The following CDHR4 variants were observed in gnomAD, a reference collection of about 807,000 sequenced individuals.
CDHR4 encodes cadherin-related family member 4.
CDHR4 carries 89 observed loss-of-function variants against 88.4 expected under a neutral mutation model. The observed-to-expected ratio is 1.01, with a 90% CI of 0.85 to 1.20. The LOEUF is 1.20. CDHR4 is among the 50% of genes most tolerant of loss of function. The probability of loss-of-function intolerance (pLI) is 0.00; values close to 1 mark genes in which losing one functional copy is unlikely to be tolerated. For synonymous variants in CDHR4, 368 were observed against 399.2 expected (o/e 0.92, Z 0.93); for missense variants, 914 against 1,007.2 (o/e 0.91, Z 1.25).
intron 3 of CDHR4, 26 bp downstream of exon 3, chr3:49,798,968 A>C (rs765196363): frequency 1.2e-6 from 2 of 1,609,758 alleles, no homozygotes; most frequent in African/African-American, 2.7e-5. Flanking sequence ...GCCTGCCCCC[A>C]CCCTGCCGGC....
At position 49,790,829 on chromosome 3, in the gene CDHR4, G is replaced by T; in HGVS notation, c.*3C>A. ...CCACACATAGTAAGACAGCTACTTG[G>T]CCTCAGAGCCAGCGCCGGGCTCCTG... On this transcript the variant is annotated 3_prime_UTR_variant, in exon 19 of 19. Coordinates refer to ENST00000412678, the MANE Select transcript of CDHR4 (RefSeq NM_001007540.4). 6.4e-7 allele frequency: 1 copy of T among 1,550,970 alleles called. No individual in the cohort carries two copies.
chr3:49,798,744 G>T, intron 4 of CDHR4, 82 bp downstream of exon 4: 2 of 1,353,396 alleles, frequency 1.5e-6, no homozygotes, highest in African/African-American at 1.4e-5. Flanking sequence ...TTCAGGCTGT[G>T]CCTGGCCAGG....
chr3:49,797,397 A>G (rs548710217), intron 4 of CDHR4, among the ~76,000 whole-genome samples: 1 of 146,770 alleles, frequency 6.8e-6, no homozygotes, highest in South Asian at 2.2e-4. Flanking sequence ...TCCGGCCTCA[A>G]CCTCCTGAAT....
chr3:49,792,429 G>A (rs1423234701), intron 15 of CDHR4, 39 bp downstream of exon 15: 2 of 1,549,536 alleles, frequency 1.3e-6, no homozygotes, highest in Non-Finnish European at 1.7e-6. Flanking sequence ...CCATAGGTGG[G>A]TTGGGGGCAA....
chr3:49,799,508 T>A, intron 1 of CDHR4, 71 bp from the exon 2 acceptor site: 4 of 1,462,986 alleles, frequency 2.7e-6, no homozygotes, highest in Non-Finnish European at 3.7e-6. Context: ...CATAGTCCTG[T>A]CCTTTTGCCA....
intron 15 of CDHR4, 117 bp downstream of exon 15, chr3:49,792,351 A>C (rs569988611): frequency 7.0e-6 from 9 of 1,279,228 alleles, no homozygotes; most frequent in Middle Eastern, 2.3e-4. Flanking sequence ...CCTCAATATC[A>C]GTTCGTCACC....
intron 10 of CDHR4, 90 bp from the exon 11 acceptor site, chr3:49,794,096 G>C: frequency 7.6e-7 from 1 of 1,307,546 alleles, no homozygotes; most frequent in Non-Finnish European, 1.1e-6. Context: ...CTGCCCTGGG[G>C]GTCTAAAGAG....
chr3:49,792,920 G>T lies in CDHR4; in HGVS notation c.1929C>A (p.Ala643=), dbSNP rs2081202894. The change falls in exon 14 of 19, where the codon GCC becomes GCA. Residue 643 remains alanine, a synonymous_variant. Coordinates refer to ENST00000412678, the MANE Select transcript of CDHR4 (RefSeq NM_001007540.4). ...GPSTPHLSTT[A]TIIVHLVPRR... is the part of the protein sequence containing the mutation. ...GGGGAACTAGATGCACAATAATGGT[G>T]GCTGTGGTGCTGAGGTGGGGGGTGG... 1 of 1,551,476 alleles carries T rather than the reference G, an allele frequency of 6.4e-7. No individual in the cohort carries two copies.
chr3:49,795,615 C>CA lies in CDHR4; in HGVS notation c.847+12dup, dbSNP rs1453564478. On this transcript the variant is annotated intron_variant, in intron 7 of 18. Coordinates refer to ENST00000412678, the MANE Select transcript of CDHR4 (RefSeq NM_001007540.4). The surrounding 1 kb of genome is among the most constrained non-coding windows in gnomAD (Gnocchi z 5.4). ...CATCCCAGTACCTGCCCCCACCCCC[C>CA]AACACCTCTCACCACGACCAATGGA... The CA allele has an allele frequency of 6.4e-6, 10 of 1,551,468 alleles. No individual in the cohort carries two copies. The highest frequency in any genetic ancestry group is 7.8e-6 in the Non-Finnish European group (9 of 1,146,950).
At chr3:49,798,765 T>G in intron 4 of CDHR4, 61 bp downstream of exon 4, 1 of 1,525,136 alleles carries the variant, frequency 6.6e-7, no homozygotes, top group South Asian at 1.2e-5. Flanking sequence ...TGGGGGTTAA[T>G]TTATTCTCTC....
In CDHR4 at chr3:49,792,792, G is replaced by C. The variant is rs924858111; in HGVS notation, c.1995+62C>G. 10 of 1,473,074 alleles carry C rather than the reference G, an allele frequency of 6.8e-6. No homozygotes were observed. The African/African-American group carries it at 1.1e-4, about 17-fold the overall frequency. 91.3% of individuals were successfully genotyped at this position (1,473,074 alleles called of 1,614,324 possible). ...CCCATAGTTCCACCTGAAAAACTGG[G>C]TCTCCTCACTCTCCAAGGTCCACCC... On this transcript the variant is annotated intron_variant, in intron 14 of 18. Transcript: ENST00000412678.
intron 4 of CDHR4, chr3:49,798,481 G>C: frequency 3.2e-6 from 1 of 309,688 alleles, no homozygotes; most frequent in East Asian, 5.6e-5. Flanking sequence ...CCAGCTACTC[G>C]GGAGGCTGAG....
chr3:49,794,542 G>T, intron 10 of CDHR4, 66 bp downstream of exon 10: 2 of 1,294,652 alleles, frequency 1.5e-6, no homozygotes, highest in Non-Finnish European at 2.1e-6. Context: ...ACCCTGTCCT[G>T]AGCATGGGAA....
At chr3:49,794,838 G>C (rs964603025) in intron 9 of CDHR4, 109 bp downstream of exon 9, 1 of 1,465,542 alleles carries the variant, frequency 6.8e-7, no homozygotes, top group South Asian at 1.3e-5. Flanking sequence ...AGGTTGGCTC[G>C]ACAGCCATCC....
chr3:49,794,380 A>G (rs897497582), intron 10 of CDHR4, among the ~76,000 whole-genome samples: 15 of 151,752 alleles, frequency 9.9e-5, no homozygotes, highest in Non-Finnish European at 1.2e-4. Context: ...CCTGGGTGAC[A>G]GAGCAAAACT....
rs910494555 is a variant in CDHR4 at position 49,793,070 on chromosome 3, A to G, written c.1779T>C (p.Asn593=). 1.9e-6 allele frequency: 3 copies of G among 1,551,212 alleles called. No individual in the cohort carries two copies. Among genetic ancestry groups the G allele is most frequent in the Non-Finnish European group, 8.7e-7 (1 of 1,146,944 alleles). ...CTTGCAGGATGAATCGGTTCTGGCT[A>G]TTCCCTGAAAGCAGAATGACAGGAG... is the stretch of plus-strand genomic sequence containing the variant. ...LIYSYSIVGG[N]SQNRFILQGA... The change falls in exon 14 of 19, where the codon AAT becomes AAC. Residue 593 remains asparagine, a synonymous_variant. Coordinates refer to ENST00000412678, the MANE Select transcript of CDHR4 (RefSeq NM_001007540.4).
rs1575338725 is a variant in CDHR4, at chr3:49,790,893, AC to A, written c.2312-7del. ...CAGGTAGTCTCTTCCGGTACCTAAA[AC>A]CGGTAGGAGAGAGAGGAGAGCAGGG... On this transcript the variant is annotated splice_region_variant and splice_polypyrimidine_tract_variant and intron_variant, in intron 18 of 18. Transcript: ENST00000412678. 2 of 1,550,714 alleles carry A rather than the reference AC, an allele frequency of 1.3e-6. No homozygotes were observed. Among genetic ancestry groups the A allele is most frequent in the African/African-American group, 2.7e-5 (2 of 73,094 alleles).
intron 17 of CDHR4, 118 bp from the exon 18 acceptor site, chr3:49,791,586 A>G (rs2081180609): frequency 7.5e-6 from 11 of 1,468,860 alleles, no homozygotes; most frequent in Non-Finnish European, 9.3e-6. Context: ...TGATGGTGCT[A>G]GTGTGGGCAT....
chr3:49,793,072 TC>T lies in CDHR4; in HGVS notation c.1776del (p.Asn593IlefsTer34). 6.4e-7 allele frequency: 1 copy of T among 1,551,322 alleles called. No homozygotes were observed. Among genetic ancestry groups the T allele is most frequent in the Non-Finnish European group, 8.7e-7 (1 of 1,146,952 alleles). ...TGCAGGATGAATCGGTTCTGGCTAT[TC>T]CCTGAAAGCAGAATGACAGGAGGAA... The part of the protein sequence containing the change: ...RLIYSYSIVG[G>X]NSQNRFILQG... On this transcript the variant is annotated frameshift_variant and splice_region_variant, in exon 14 of 19. Coordinates refer to ENST00000412678, the MANE Select transcript of CDHR4 (RefSeq NM_001007540.4). LOFTEE classifies it high-confidence loss of function.
Sources: gnomAD v4.1 joint callset for allele counts (sites outside exome capture counted in the v4.1 genomes callset) on GRCh38, gnomAD v4.1.1 for gene constraint, Gnocchi (gnomAD v3.1) non-coding constraint, MANE v1.5 for transcripts, NCBI Gene and HGNC (gene_info 2026-07-23, HGNC 2026-07-21) for gene names.